Variants in ITPR1 observed in about 807,000 individuals in gnomAD.
The protein encoded by ITPR1 is inositol 1,4,5-trisphosphate receptor type 1, also known as inositol 1,4,5-trisphosphate-gated calcium channel ITPR1.
In ITPR1, 96 loss-of-function variants were observed where a neutral mutation model predicts 318.4. The ratio of observed to expected loss-of-function variants is 0.30; its 90% CI spans 0.26 to 0.36. ITPR1 has a LOEUF of 0.36. Ranked by LOEUF, ITPR1 falls within the 10% of genes least tolerant of loss-of-function variation. ITPR1 has a pLI of 1.00. For synonymous variants in ITPR1, 1,312 were observed against 1,289.9 expected, an observed-to-expected ratio of 1.02 and a Z score of -0.37; for missense variants, 2,440 against 3,460.2, an observed-to-expected ratio of 0.71 and a Z score of 7.40.
chr3:4,831,004 C>G, intron 60 of ITPR1: 1 of 456,606 alleles, frequency 2.2e-6, no homozygotes, highest in Non-Finnish European at 4.4e-6. Context: ...CTTAGAACAG[C>G]CTCTTCTTTT....
At chr3:4,639,700 A>G (rs1292769327) in intron 6 of ITPR1, among the ~76,000 whole-genome samples, 1 of 152,146 alleles carries the variant, frequency 6.6e-6, no homozygotes, top group Non-Finnish European at 1.5e-5. Context: ...GTGGCTGATC[A>G]TTTCACTCCA....
chr3:4,640,579 C>T (rs2093314626), intron 6 of ITPR1, among the ~76,000 whole-genome samples: 1 of 152,164 alleles, frequency 6.6e-6, no homozygotes, highest in South Asian at 2.1e-4. Flanking sequence ...GAGAATATGG[C>T]TTGAAATGAA....
At chr3:4,670,433 C>T (rs912421744) in intron 19 of ITPR1, among the ~76,000 whole-genome samples, 2 of 152,162 alleles carry the variant, frequency 1.3e-5, no homozygotes, top group Non-Finnish European at 2.9e-5. Context: ...AAATGTTCAG[C>T]AGCATCCCTG....
intron 5 of ITPR1, among the ~76,000 whole-genome samples, chr3:4,631,912 A>T (rs1428901175): frequency 1.3e-5 from 2 of 152,166 alleles, no homozygotes; most frequent in African/African-American, 4.8e-5. Flanking sequence ...TTAGCCTCCC[A>T]GAGTGCTAGG....
intron 21 of ITPR1, among the ~76,000 whole-genome samples, chr3:4,673,901 C>A (rs1310797081): frequency 6.6e-6 from 1 of 152,246 alleles, no homozygotes; most frequent in South Asian, 2.1e-4. Flanking sequence ...TTTTTTATAT[C>A]TCATTTATCT....
At chr3:4,674,455 G>GT in intron 22 of ITPR1, 112 bp downstream of exon 22, 1 of 843,090 alleles carries the variant, frequency 1.2e-6, no homozygotes, top group Middle Eastern at 3.5e-4. Flanking sequence ...TGATGCTCTG[G>GT]TTTTGTAATG....
intron 61 of ITPR1, among the ~76,000 whole-genome samples, chr3:4,845,509 C>T (rs2051696981): frequency 2.0e-5 from 3 of 152,316 alleles, no homozygotes; most frequent in South Asian, 2.1e-4. Flanking sequence ...GCAATGGTCT[C>T]GCCTGACCTT....
At chr3:4,652,097 T>C (rs1217256305) in intron 10 of ITPR1, 26 bp from the exon 11 acceptor site, 1 of 1,560,150 alleles carries the variant, frequency 6.4e-7, no homozygotes, top group African/African-American at 1.3e-5. Context: ...TGACATTTCA[T>C]TGACTCCTGT....
At chr3:4,500,022 G>A (rs377093943) in intron 2 of ITPR1, among the ~76,000 whole-genome samples, 10 of 152,146 alleles carry the variant, frequency 6.6e-5, no homozygotes, top group East Asian at 3.8e-4. Context: ...TAGTTCTCTC[G>A]TCAGTGAGAA....
chr3:4,586,506 GC>G (rs2089912259), intron 4 of ITPR1, among the ~76,000 whole-genome samples: 2 of 122,890 alleles, frequency 1.6e-5, no homozygotes, highest in African/African-American at 5.9e-5. Flanking sequence ...AGCCTTGAGT[GC>G]TTTTTTTTTT....
chr3:4,644,905 A>G (rs978442373), intron 8 of ITPR1, among the ~76,000 whole-genome samples: 5 of 152,204 alleles, frequency 3.3e-5, no homozygotes, highest in Non-Finnish European at 5.9e-5. Flanking sequence ...CAAGAATTAA[A>G]GGAGATTGTG....
chr3:4,503,077 T>TC (rs1275760056), intron 2 of ITPR1, among the ~76,000 whole-genome samples: 1 of 151,962 alleles, frequency 6.6e-6, no homozygotes, highest in African/African-American at 2.4e-5. Context: ...AGAGTGAGAC[T>TC]CCATCTCAAT....
chr3:4,510,681 G>A (rs528793814), intron 2 of ITPR1, among the ~76,000 whole-genome samples: 131 of 152,258 alleles, frequency 8.6e-4, no homozygotes, highest in African/African-American at 3.1e-3. Flanking sequence ...TGCCTTGTAC[G>A]GTGTCAGACA....
At chr3:4,692,047 A>G (rs1276246403) in intron 32 of ITPR1, among the ~76,000 whole-genome samples, 1 of 151,928 alleles carries the variant, frequency 6.6e-6, no homozygotes, top group Non-Finnish European at 1.5e-5. Flanking sequence ...CCAGTTACAG[A>G]GGAAGATCCC....
chr3:4,536,511 C>T (rs1197411006), intron 4 of ITPR1, among the ~76,000 whole-genome samples: 1 of 152,168 alleles, frequency 6.6e-6, no homozygotes, highest in Non-Finnish European at 1.5e-5. Context: ...ACAAGGTCAC[C>T]TACCTGAATG....
intron 61 of ITPR1, among the ~76,000 whole-genome samples, chr3:4,845,747 TA>T (rs2051722095): frequency 6.6e-6 from 1 of 152,220 alleles, no homozygotes; most frequent in South Asian, 2.1e-4. Flanking sequence ...CTCTCAAACC[TA>T]GGATTCTAAA....
chr3:4,573,907 A>G (rs1266082485), intron 4 of ITPR1, among the ~76,000 whole-genome samples: 1 of 152,250 alleles, frequency 6.6e-6, no homozygotes, highest in Non-Finnish European at 1.5e-5. Context: ...TGTAAACACC[A>G]TGAATACAGG....
At chr3:4,696,158 A>G (rs9682063) in intron 33 of ITPR1, among the ~76,000 whole-genome samples, 56,247 of 152,104 alleles carry the variant, frequency 0.37, 12,808 homozygotes, top group Non-Finnish European at 0.53. Flanking sequence ...AAAGTGTACA[A>G]TTGAGTGGTT....
intron 44 of ITPR1, among the ~76,000 whole-genome samples, chr3:4,742,043 G>A (rs1035917032): frequency 6.6e-6 from 1 of 152,128 alleles, no homozygotes; most frequent in Non-Finnish European, 1.5e-5. Context: ...GCCCTTCTGC[G>A]GAAGCTGTGA....
Sources: gnomAD v4.1 joint callset for allele counts (sites outside exome capture counted in the v4.1 genomes callset) on GRCh38, gnomAD v4.1.1 for gene constraint, MANE v1.5 for transcripts, NCBI Gene and HGNC (gene_info 2026-07-23, HGNC 2026-07-21) for gene names.